GALNT17: variants seen among roughly 807,000 people sequenced by gnomAD.
GALNT17 encodes the protein polypeptide N-acetylgalactosaminyltransferase 17.
GALNT17 carries 29 observed loss-of-function variants against 63.7 expected under a neutral mutation model. The observed-to-expected ratio is 0.46, with a 90% confidence interval of 0.34 to 0.62. The LOEUF (loss-of-function observed/expected upper bound fraction) is 0.62. GALNT17 is among the 20% of genes least tolerant of loss of function. GALNT17 has a pLI of 0.01. For synonymous variants in GALNT17, 305 were observed against 318.3 expected (o/e 0.96, Z 0.45); for missense variants, 603 against 799.6 (o/e 0.75, Z 2.97).
chr7:71,694,020 CAAG>C, intron 9 of GALNT17, among the ~76,000 whole-genome samples: 1 of 152,142 alleles, frequency 6.6e-6, no homozygotes, highest in South Asian at 2.1e-4. Context: ...ATTTACAAAA[CAAG>C]GAGGTTTAAT....
At chr7:71,235,277 G>GT (rs1454989289) in intron 1 of GALNT17, among the ~76,000 whole-genome samples, 1 of 151,718 alleles carries the variant, frequency 6.6e-6, no homozygotes, top group African/African-American at 2.4e-5. Context: ...AATTTGGTCT[G>GT]TTCGTTTTAG....
At chr7:71,281,077 C>T (rs1353769668) in intron 1 of GALNT17, among the ~76,000 whole-genome samples, 1 of 152,164 alleles carries the variant, frequency 6.6e-6, no homozygotes, top group Non-Finnish European at 1.5e-5. Context: ...ACCATGGGAC[C>T]AGCTATTGGG....
intron 7 of GALNT17, among the ~76,000 whole-genome samples, chr7:71,668,857 A>G (rs1008010896): frequency 2.0e-5 from 3 of 152,192 alleles, no homozygotes; most frequent in Non-Finnish European, 2.9e-5. Flanking sequence ...TTAGAACATC[A>G]TTACAAGCTT....
At chr7:71,597,208 T>A (rs1307477813) in intron 6 of GALNT17, among the ~76,000 whole-genome samples, 1 of 150,360 alleles carries the variant, frequency 6.7e-6, no homozygotes, top group Non-Finnish European at 1.5e-5. Context: ...CGGCTAATTT[T>A]TTTTGTATTT....
intron 5 of GALNT17, among the ~76,000 whole-genome samples, chr7:71,521,126 C>T (rs768684072): frequency 7.9e-5 from 12 of 152,182 alleles, no homozygotes; most frequent in Non-Finnish European, 1.8e-4. Context: ...CGTGTGTGCA[C>T]ATGCACATAT....
chr7:71,571,043 G>C (rs1358333358), intron 5 of GALNT17, among the ~76,000 whole-genome samples: 1 of 152,054 alleles, frequency 6.6e-6, no homozygotes, highest in African/African-American at 2.4e-5. Context: ...TGGGAATTGA[G>C]GGAAGTGACT....
rs765949657 is a variant in GALNT17, at chr7:71,677,319, C to G, written c.1500+13C>G. 1 of 1,611,844 alleles carries G rather than the reference C, an allele frequency of 6.2e-7. No homozygotes were observed. Among genetic ancestry groups the G allele is most frequent in the South Asian group, 1.1e-5 (1 of 90,818 alleles). ...CTGGGGACCACAGGTAGGAGCTCGT[C>G]TCTGACCAGGAAGGAAGTAATATCA... On this transcript the variant is annotated intron_variant, in intron 9 of 10. Coordinates refer to ENST00000333538, the MANE Select transcript of GALNT17 (RefSeq NM_022479.3).
At chr7:71,206,192 C>T (rs1230088413) in intron 1 of GALNT17, among the ~76,000 whole-genome samples, 2 of 150,438 alleles carry the variant, frequency 1.3e-5, no homozygotes, top group Admixed American at 1.3e-4. Context: ...AACACACACA[C>T]CAAGTGGTTA....
chr7:71,585,649 T>C (rs903660746), intron 6 of GALNT17, among the ~76,000 whole-genome samples: 3 of 152,136 alleles, frequency 2.0e-5, no homozygotes, highest in African/African-American at 7.2e-5. Flanking sequence ...AAATAAATAT[T>C]TTATATGTCT....
At chr7:71,626,976 A>G (rs1020050080) in intron 6 of GALNT17, among the ~76,000 whole-genome samples, 5 of 152,210 alleles carry the variant, frequency 3.3e-5, no homozygotes, top group Non-Finnish European at 7.3e-5. Context: ...ACAGATGCTT[A>G]TCCATTGACT....
At position 71,544,645 on chromosome 7, in the gene GALNT17, G is replaced by A. The variant is rs577173786; in HGVS notation, c.963-26640G>A. On this transcript the variant is annotated intron_variant, in intron 5 of 10. Coordinates refer to ENST00000333538, the MANE Select transcript of GALNT17 (RefSeq NM_022479.3). ...AGAAAATAGCTTTCTTGCCTGGGGG[G>A]AGTAGTTGACTTCACACTTCAAAAA... Among the ~76,000 whole-genome samples the A allele has an allele frequency of 2.0e-4, 31 of 152,204 alleles. 1 individual carries two copies. In the South Asian group the frequency reaches 6.4e-3, roughly 32 times the overall value.
intron 1 of GALNT17, among the ~76,000 whole-genome samples, chr7:71,277,630 G>C (rs947382393): frequency 6.6e-6 from 1 of 152,164 alleles, no homozygotes; most frequent in African/African-American, 2.4e-5. Context: ...CACTGCCACT[G>C]CGCAAACCTG....
At chr7:71,232,679 G>A (rs533533483) in intron 1 of GALNT17, among the ~76,000 whole-genome samples, 70 of 152,306 alleles carry the variant, frequency 4.6e-4, no homozygotes, top group Middle Eastern at 3.4e-3. Context: ...GAGCAGGGCT[G>A]CCCCATAGGC....
chr7:71,365,344 A>G (rs1017717353), intron 2 of GALNT17, among the ~76,000 whole-genome samples: 1 of 152,210 alleles, frequency 6.6e-6, no homozygotes, highest in Non-Finnish European at 1.5e-5. Flanking sequence ...GGCTCAAGCA[A>G]TTCTCCTGTT....
chr7:71,669,560 C>CTTTT (rs563584462), intron 7 of GALNT17, among the ~76,000 whole-genome samples: 1 of 125,030 alleles, frequency 8.0e-6, no homozygotes, highest in Non-Finnish European at 1.7e-5. Context: ...GGCTTAAGAT[C>CTTTT]TTTTTTTTTT....
intron 6 of GALNT17, among the ~76,000 whole-genome samples, chr7:71,635,360 A>T (rs1790514201): frequency 6.6e-6 from 1 of 152,180 alleles, no homozygotes; most frequent in Non-Finnish European, 1.5e-5. Context: ...ATTGATGTTA[A>T]TGCTGGAGAG....
chr7:71,659,205 T>G (rs1325540954), intron 6 of GALNT17, among the ~76,000 whole-genome samples: 2 of 152,246 alleles, frequency 1.3e-5, no homozygotes, highest in Non-Finnish European at 2.9e-5. Flanking sequence ...GAATCCATTT[T>G]CTACGTTCCA....
At chr7:71,296,311 T>C (rs1221937466) in intron 1 of GALNT17, among the ~76,000 whole-genome samples, 1 of 152,166 alleles carries the variant, frequency 6.6e-6, no homozygotes, top group East Asian at 1.9e-4. Flanking sequence ...AACATAGATA[T>C]ACTCTTGATT....
At chr7:71,393,461 T>C (rs1022440495) in intron 3 of GALNT17, among the ~76,000 whole-genome samples, 2 of 152,224 alleles carry the variant, frequency 1.3e-5, no homozygotes, top group Non-Finnish European at 1.5e-5. Flanking sequence ...CCTTACCCTC[T>C]TTAATGCACA....
Sources: gnomAD v4.1 joint callset for allele counts (sites outside exome capture counted in the v4.1 genomes callset) on GRCh38, gnomAD v4.1.1 for gene constraint, MANE v1.5 for transcripts, NCBI Gene and HGNC (gene_info 2026-07-23, HGNC 2026-07-21) for gene names.